SERPIND1: variants seen among roughly 807,000 people sequenced by gnomAD.
SERPIND1 encodes the protein serpin family D member 1.
SERPIND1 carries 34 observed loss-of-function variants against 35.0 expected under a neutral mutation model. The ratio of observed to expected loss-of-function variants is 0.97; its 90% CI spans 0.74 to 1.29. The LOEUF (loss-of-function observed/expected upper bound fraction) is 1.29. Ranked by LOEUF, SERPIND1 falls within the 50% of genes most tolerant of loss-of-function variation. The pLI is 0.00. For synonymous variants in SERPIND1, 236 were observed against 241.1 expected (o/e 0.98, Z 0.19); for missense variants, 633 against 637.7 (o/e 0.99, Z 0.08).
intron 3 of SERPIND1, 43 bp downstream of exon 3, chr22:20,784,288 T>C: frequency 6.2e-7 from 1 of 1,612,386 alleles, no homozygotes; most frequent in South Asian, 1.1e-5. Context: ...TCCCAGATGC[T>C]GGGGGTGTCT....
intron 4 of SERPIND1, 55 bp from the exon 5 acceptor site, chr22:20,786,820 C>T: frequency 6.5e-7 from 1 of 1,533,524 alleles, no homozygotes; most frequent in Non-Finnish European, 9.0e-7. Flanking sequence ...GTGCTGGGAA[C>T]TCTAGCCCTC....
At chr22:20,786,186 G>A (rs1176201201) in intron 4 of SERPIND1, 38 bp downstream of exon 4, 1 of 1,612,204 alleles carries the variant, frequency 6.2e-7, no homozygotes, top group East Asian at 2.2e-5. Context: ...CCGTCCCCAG[G>A]GTCTGCCTCA....
intron 2 of SERPIND1, 26 bp downstream of exon 2, chr22:20,780,227 C>A: frequency 6.2e-7 from 1 of 1,614,168 alleles, no homozygotes; most frequent in Non-Finnish European, 8.5e-7. Flanking sequence ...ACAGTTCTCA[C>A]AGCAAACCCA....
Position 20,787,427 on chromosome 22 carries a change from C to T in SERPIND1, c.*361C>T, listed in dbSNP as rs928499687. ...CTCTGTCACTCAAGCCTTTCTCCAC[C>T]AGGCCCCTCATCTGAATACCAAGCA... On this transcript the variant is annotated 3_prime_UTR_variant, in exon 5 of 5. Transcript: ENST00000215727. 8.3e-6 allele frequency: 3 copies of T among 359,286 alleles called. No homozygotes were observed. Among genetic ancestry groups the T allele is most frequent in the African/African-American group, 4.3e-5 (2 of 46,356 alleles). 22.3% of individuals were successfully genotyped at this position (359,286 alleles called of 1,614,324 possible). A position where few individuals can be genotyped will look rare whatever the true frequency, so the allele number is the denominator to read the frequency against.
At position 20,786,908 on chromosome 22, in the gene SERPIND1, GAAGGC is replaced by G; in HGVS notation, c.1344_1348del (p.Glu448AspfsTer56). 1 of 1,614,138 alleles carries G rather than the reference GAAGGC, an allele frequency of 6.2e-7. No homozygotes were observed. Among genetic ancestry groups the G allele is most frequent in the Non-Finnish European group, 8.5e-7 (1 of 1,180,024 alleles). ...CCAAGGCACGATCACAGTGAACGAG[GAAGGC>G]ACCCAAGCCACCACTGTGACCACGG... On this transcript the variant is annotated frameshift_variant, in exon 5 of 5. Transcript: ENST00000215727. LOFTEE classifies it high-confidence loss of function.
chr22:20,779,675 C>T lies in SERPIND1; in HGVS notation c.363C>T (p.Ser121=), dbSNP rs769432672. Residue 121 remains serine, a synonymous_variant, in exon 2 of 5, where the codon AGC becomes AGT. Transcript: ENST00000215727. ...GNILQLFHGK[S]RIQRLNILNA... ...TCCTCCAGCTTTTTCATGGCAAGAG[C>T]CGGATCCAGCGTCTTAACATCCTCA... 1.2e-6 allele frequency: 2 copies of T among 1,614,154 alleles called. No individual in the cohort carries two copies. Among genetic ancestry groups the T allele is most frequent in the East Asian group, 2.2e-5 (1 of 44,892 alleles).
At position 20,787,097 on chromosome 22, in the gene SERPIND1, G is replaced by T; in HGVS notation, c.*31G>T. Reference sequence around the variant, plus strand: ...GAGGTCTAGGTGTCTGAAGTGCCTTGGGGGCACCCTCATTTTGTTTCCATT... The same window carrying T: ...GAGGTCTAGGTGTCTGAAGTGCCTTTGGGGCACCCTCATTTTGTTTCCATT... On this transcript the variant is annotated 3_prime_UTR_variant, in exon 5 of 5. Coordinates refer to ENST00000215727, the MANE Select transcript of SERPIND1 (RefSeq NM_000185.4). 7 of 1,583,096 alleles carry T rather than the reference G, an allele frequency of 4.4e-6. No homozygotes were observed. Among genetic ancestry groups the T allele is most frequent in the Non-Finnish European group, 5.2e-6 (6 of 1,152,402 alleles).
rs146787835 is a variant in SERPIND1 at position 20,786,701 on chromosome 22, C to T, written c.1309-174C>T. Among the ~76,000 whole-genome samples the T allele has an allele frequency of 5.9e-5, 9 of 152,274 alleles. No individual in the cohort carries two copies. The East Asian group carries it at 7.7e-4, about 13-fold the overall frequency. ...GAACCTAGCCGGCCTCTAAGTGCAA[C>T]GGCTGCCCCTGACAGGTGGTGACAG... On this transcript the variant is annotated intron_variant, in intron 4 of 4. Coordinates refer to ENST00000215727, the MANE Select transcript of SERPIND1 (RefSeq NM_000185.4).
At chr22:20,786,235 CCAATCT>C (rs1934214505) in intron 4 of SERPIND1, 87 bp downstream of exon 4, 1 of 1,425,132 alleles carries the variant, frequency 7.0e-7, no homozygotes, top group South Asian at 1.1e-5. Flanking sequence ...TACCCACCCC[CCAATCT>C]CATGTCCCAG....
chr22:20,776,264 C>T (rs1331841688), intron 1 of SERPIND1, among the ~76,000 whole-genome samples: 1 of 152,098 alleles, frequency 6.6e-6, no homozygotes, highest in African/African-American at 2.4e-5. Flanking sequence ...GAACAGGTGG[C>T]AGTGAACCAA....
Position 20,779,993 on chromosome 22 carries a change from G to A in SERPIND1, c.681G>A (p.Gln227=), listed in dbSNP as rs767630078. 1.9e-6 allele frequency: 3 copies of A among 1,614,136 alleles called. No homozygotes were observed. Among genetic ancestry groups the A allele is most frequent in the East Asian group, 2.2e-5 (1 of 44,882 alleles). ...GGTCAGTCAATGACCTTTATATCCA[G>A]AAGCAGTTTCCAATCCTGCTTGACT... ...TLRSVNDLYI[Q]KQFPILLDFK... is the part of the protein sequence containing the mutation. Residue 227 remains glutamine (Q), a synonymous_variant, in exon 2 of 5, where the codon CAG becomes CAA. Coordinates refer to ENST00000215727, the MANE Select transcript of SERPIND1 (RefSeq NM_000185.4).
chr22:20,780,489 T>C (rs1467754061), intron 2 of SERPIND1, among the ~76,000 whole-genome samples: 5 of 152,142 alleles, frequency 3.3e-5, no homozygotes, highest in African/African-American at 1.2e-4. Flanking sequence ...AAGGATGGGC[T>C]GGGCGCGGTG....
At chr22:20,782,332 G>C (rs986714519) in intron 2 of SERPIND1, among the ~76,000 whole-genome samples, 3 of 152,194 alleles carry the variant, frequency 2.0e-5, no homozygotes, top group Non-Finnish European at 4.4e-5. Context: ...GTAAACACAC[G>C]TGCAAATGCT....
rs534050011 is a variant in SERPIND1, at chr22:20,786,720, G to A, written c.1309-155G>A. On this transcript the variant is annotated intron_variant, in intron 4 of 4. Coordinates refer to ENST00000215727, the MANE Select transcript of SERPIND1 (RefSeq NM_000185.4). ...GTGCAACGGCTGCCCCTGACAGGTG[G>A]TGACAGATATTTTCAAGAGTGACTC... Among the ~76,000 whole-genome samples, 20 of 152,284 alleles carry A rather than the reference G, an allele frequency of 1.3e-4. No homozygotes were observed. In the South Asian group the frequency reaches 3.7e-3, roughly 28 times the overall value.
At chr22:20,784,357 A>C (rs1247964544) in intron 3 of SERPIND1, 112 bp downstream of exon 3, 22 of 1,432,498 alleles carry the variant, frequency 1.5e-5, no homozygotes, top group Non-Finnish European at 1.9e-5. Context: ...CAAGTACCCA[A>C]GAACTTCCAT....
rs753167234 is a variant in SERPIND1, at chr22:20,786,989, T to C, written c.1423T>C (p.Phe475Leu). The C allele has an allele frequency of 6.8e-6, 11 of 1,614,146 alleles. No homozygotes were observed. The highest frequency in any genetic ancestry group is 1.6e-4 in the Middle Eastern group (1 of 6,062). ...TQVRFTVDRP[F>L]LFLIYEHRTS... ...AGTCCGCTTCACTGTCGACCGCCCC[T>C]TTCTTTTCCTCATCTACGAGCATCG... Residue 475 changes from phenylalanine to leucine, a missense_variant, in exon 5 of 5, where the codon TTT becomes CTT. By Grantham distance (22) the Phe-to-Leu change is conservative. Coordinates refer to ENST00000215727, the MANE Select transcript of SERPIND1 (RefSeq NM_000185.4).
intron 3 of SERPIND1, 105 bp downstream of exon 3, chr22:20,784,350 GT>G (rs1272899204): frequency 6.7e-7 from 1 of 1,488,910 alleles, no homozygotes; most frequent in Non-Finnish European, 9.2e-7. Context: ...TTATGTACAA[GT>G]ACCCAAGAAC....
At position 20,787,037 on chromosome 22, in the gene SERPIND1, G is replaced by A; in HGVS notation, c.1471G>A (p.Gly491Arg). The A allele has an allele frequency of 6.2e-7, 1 of 1,614,044 alleles. No individual in the cohort carries two copies. Among genetic ancestry groups the A allele is most frequent in the South Asian group, 1.1e-5 (1 of 91,068 alleles). Reference sequence around the variant, plus strand: ...TCGCACCAGCTGCCTGCTCTTCATGGGAAGAGTGGCCAACCCCAGCAGGTC... The same window carrying A: ...TCGCACCAGCTGCCTGCTCTTCATGAGAAGAGTGGCCAACCCCAGCAGGTC... ...EHRTSCLLFM[G>R]RVANPSRS The change falls in exon 5 of 5, where the codon GGA becomes AGA. Residue 491 changes from glycine (G) to arginine (R), a missense_variant. Coordinates refer to ENST00000215727, the MANE Select transcript of SERPIND1 (RefSeq NM_000185.4).
At chr22:20,781,475 C>A (rs165583) in intron 2 of SERPIND1, among the ~76,000 whole-genome samples, 66,750 of 152,018 alleles carry the variant, frequency 0.44, 14,781 homozygotes, top group African/African-American at 0.48. Context: ...GAAGGAGACC[C>A]CCCCCAGCTC....
Sources: allele counts gnomAD v4.1 joint callset (sites outside exome capture counted in the v4.1 genomes callset), GRCh38; gene constraint gnomAD v4.1.1; transcripts MANE v1.5; gene names NCBI Gene and HGNC (gene_info 2026-07-23, HGNC 2026-07-21).